The following ANKRD36C variants were observed in gnomAD, a reference collection of about 807,000 sequenced individuals.
The protein encoded by ANKRD36C is ankyrin repeat domain-containing protein 36C.
In ANKRD36C, 61 loss-of-function variants were observed where a neutral mutation model predicts 276.4. The ratio of observed to expected loss-of-function variants is 0.22; its 90% CI spans 0.18 to 0.27. ANKRD36C has a LOEUF of 0.27. ANKRD36C is among the 10% of genes least tolerant of loss of function. ANKRD36C has a pLI of 1.00. For missense variants in ANKRD36C, 1,447 were observed against 2,032.3 expected (o/e 0.71, Z 5.54); for synonymous variants, 483 against 680.1 (o/e 0.71, Z 4.51).
In ANKRD36C at chr2:95,914,362, C is replaced by T. The variant is rs535315129; in HGVS notation, c.2450-59G>A. On this transcript the variant is annotated intron_variant, in intron 38 of 66. Transcript: ENST00000456556. Reference sequence around the variant, plus strand: ...TGTAAAAATGACAAAATTATCCATACATTCATGCAGTGTTAGCATCAACCT... The same window carrying T: ...TGTAAAAATGACAAAATTATCCATATATTCATGCAGTGTTAGCATCAACCT... 85 of 1,527,012 alleles carry T rather than the reference C, an allele frequency of 5.6e-5. No homozygotes were observed. The African/African-American group carries it at 7.8e-4, about 14-fold the overall frequency. 94.6% of individuals were successfully genotyped at this position (1,527,012 alleles called of 1,614,324 possible).
chr2:95,863,217 T>G (rs1675621932), intron 60 of ANKRD36C, among the ~76,000 whole-genome samples: 1 of 152,080 alleles, frequency 6.6e-6, no homozygotes, highest in East Asian at 1.9e-4. Context: ...AATTTCTATG[T>G]AAGTAAACAG....
At chr2:95,944,557 A>G in intron 19 of ANKRD36C, 70 bp downstream of exon 19, 1 of 1,403,754 alleles carries the variant, frequency 7.1e-7, no homozygotes, top group Non-Finnish European at 9.7e-7. Flanking sequence ...ATTAACAGAT[A>G]AGAGTGAGTT....
exon 1 of ANKRD36C, chr2:95,991,549 T>C (rs1358820423): frequency 6.2e-7 from 1 of 1,612,516 alleles, no homozygotes; most frequent in South Asian, 1.1e-5. Context: ...TCATAACGCG[T>C]GAGCAGAACG....
chr2:95,954,760 T>C (rs1558655040), intron 13 of ANKRD36C, among the ~76,000 whole-genome samples: 2 of 152,186 alleles, frequency 1.3e-5, no homozygotes, highest in Non-Finnish European at 2.9e-5. Flanking sequence ...AGAACCTTCA[T>C]AGACACTCAG....
At chr2:95,928,715 T>TAC (rs1677478551) in intron 26 of ANKRD36C, among the ~76,000 whole-genome samples, 2 of 151,486 alleles carry the variant, frequency 1.3e-5, no homozygotes, top group Non-Finnish European at 3.0e-5. Flanking sequence ...TATAACAATA[T>TAC]GATATGATGC....
chr2:95,916,498 C>G (rs188331038), intron 36 of ANKRD36C, among the ~76,000 whole-genome samples: 1 of 151,630 alleles, frequency 6.6e-6, no homozygotes, highest in African/African-American at 2.4e-5. Flanking sequence ...AACTCATACA[C>G]GTGAGAATCA....
At chr2:95,943,709 T>C (rs1439124091) in intron 19 of ANKRD36C, among the ~76,000 whole-genome samples, 2 of 151,918 alleles carry the variant, frequency 1.3e-5, no homozygotes, top group African/African-American at 4.8e-5. Context: ...AATGATTCAT[T>C]CAAAATCTGA....
rs1480739305 is a variant in ANKRD36C at position 95,951,421 on chromosome 2, C to T, written c.1204-13G>A. 6.8e-6 allele frequency: 10 copies of T among 1,462,912 alleles called. No individual in the cohort carries two copies. The East Asian group carries it at 2.2e-4, about 33-fold the overall frequency. 90.6% of individuals were successfully genotyped at this position (1,462,912 alleles called of 1,614,324 possible). On this transcript the variant is annotated splice_polypyrimidine_tract_variant and intron_variant, in intron 14 of 66. Transcript: ENST00000456556. ...GTTTTGAAATAATCTAGAAGAAAAA[C>T]ACAATAGGTTTAAGAATAACATGGA...
intron 36 of ANKRD36C, among the ~76,000 whole-genome samples, chr2:95,916,710 G>A (rs1313624455): frequency 6.6e-6 from 1 of 151,620 alleles, no homozygotes; most frequent in Non-Finnish European, 1.5e-5. Context: ...TTGGATATCT[G>A]TTTGCTGATA....
chr2:95,851,594 A>G (rs1184850490), intron 66 of ANKRD36C, 100 bp downstream of exon 86: 1 of 1,027,728 alleles, frequency 9.7e-7, no homozygotes, highest in African/African-American at 1.6e-5. Flanking sequence ...AAAAAAATCT[A>G]CTTTTGGCCC....
intron 58 of ANKRD36C, 84 bp downstream of exon 78, chr2:95,880,343 A>G (rs945136455): frequency 1.9e-6 from 2 of 1,056,672 alleles, no homozygotes; most frequent in African/African-American, 1.6e-5. Context: ...AAAAAGTGAA[A>G]TAATTGAGAA....
chr2:95,962,877 C>T (rs530988829), intron 6 of ANKRD36C, among the ~76,000 whole-genome samples: 62 of 152,070 alleles, frequency 4.1e-4, no homozygotes, highest in Non-Finnish European at 8.7e-4. Context: ...ACTCATGCAC[C>T]TGCGAATCAA....
At chr2:95,933,778 G>C (rs1415887698) in intron 24 of ANKRD36C, among the ~76,000 whole-genome samples, 1 of 152,296 alleles carries the variant, frequency 6.6e-6, no homozygotes, top group Non-Finnish European at 1.5e-5. Flanking sequence ...CCTCTTGTCT[G>C]ATTGCCCTGG....
At chr2:95,948,971 T>C (rs1678127566) in intron 16 of ANKRD36C, among the ~76,000 whole-genome samples, 1 of 152,132 alleles carries the variant, frequency 6.6e-6, no homozygotes, top group South Asian at 2.1e-4. Context: ...ACAACTTTTG[T>C]TACTGAACTG....
At chr2:95,884,129 C>T in intron 54 of ANKRD36C, 44 bp downstream of exon 74, 1 of 1,566,468 alleles carries the variant, frequency 6.4e-7, no homozygotes, top group Non-Finnish European at 8.7e-7. Context: ...AAGTTCTTTT[C>T]TATCTGGACT....
chr2:95,931,837 A>ACT (rs1677579486), intron 24 of ANKRD36C, among the ~76,000 whole-genome samples: 1 of 123,572 alleles, frequency 8.1e-6, no homozygotes, highest in African/African-American at 2.6e-5. Flanking sequence ...AAGAGAAAAA[A>ACT]ATACACACAC....
exon 59 of ANKRD36C, chr2:95,876,480 C>G: frequency 6.2e-7 from 1 of 1,608,086 alleles, no homozygotes; most frequent in Non-Finnish European, 8.5e-7. Context: ...CTCTTTTGCT[C>G]TCCCTCTGAT....
At chr2:95,961,415 G>A (rs969009279) in intron 8 of ANKRD36C, among the ~76,000 whole-genome samples, 24 of 151,660 alleles carry the variant, frequency 1.6e-4, no homozygotes, top group African/African-American at 5.3e-4. Flanking sequence ...GTTACTGTAC[G>A]CATTAGATAT....
intron 20 of ANKRD36C, among the ~76,000 whole-genome samples, 167 bp downstream of exon 20, chr2:95,940,993 T>C (rs1447811766): frequency 6.7e-6 from 1 of 149,480 alleles, no homozygotes; most frequent in Non-Finnish European, 1.5e-5. Context: ...AATTTAATTT[T>C]AAATTTATTT....
Sources: allele counts gnomAD v4.1 joint callset (sites outside exome capture counted in the v4.1 genomes callset), GRCh38; gene constraint gnomAD v4.1.1; transcripts MANE v1.5; gene names NCBI Gene and HGNC (gene_info 2026-07-23, HGNC 2026-07-21).